GRXCR1: variants seen among roughly 807,000 people sequenced by gnomAD.
The protein encoded by GRXCR1 is glutaredoxin and cysteine rich domain containing 1.
A neutral mutation model predicts 27.3 loss-of-function variants in GRXCR1; 27 were observed. The observed-to-expected ratio is 0.99, with a 90% CI of 0.73 to 1.37. GRXCR1 has a LOEUF of 1.37. GRXCR1 is among the 40% of genes most tolerant of loss of function. GRXCR1 has a pLI of 0.00. For synonymous variants in GRXCR1, 122 were observed against 131.1 expected (o/e 0.93, Z 0.47); for missense variants, 379 against 354.4 (o/e 1.07, Z -0.56).
chr4:42,912,525 T>C (rs1239665661), intron 1 of GRXCR1, among the ~76,000 whole-genome samples: 1 of 152,218 alleles, frequency 6.6e-6, no homozygotes, highest in Non-Finnish European at 1.5e-5. Flanking sequence ...GGAAGTTTCT[T>C]ACTTCATATT....
chr4:42,929,969 C>T (rs1264951262), intron 1 of GRXCR1, among the ~76,000 whole-genome samples: 1 of 151,964 alleles, frequency 6.6e-6, no homozygotes, highest in Non-Finnish European at 1.5e-5. Flanking sequence ...ATCTCTAAGA[C>T]CACACTGTTG....
chr4:43,014,057 A>C (rs1227091828), intron 2 of GRXCR1, among the ~76,000 whole-genome samples: 2 of 143,674 alleles, frequency 1.4e-5, no homozygotes, highest in Non-Finnish European at 3.0e-5. Flanking sequence ...ATAATTGCAA[A>C]AAAAAAAAAA....
chr4:42,934,345 A>T (rs1021357057), intron 1 of GRXCR1, among the ~76,000 whole-genome samples: 2 of 151,766 alleles, frequency 1.3e-5, no homozygotes, highest in Admixed American at 1.3e-4. Context: ...AAATGGATGC[A>T]TTGAACAATT....
chr4:42,981,300 C>T (rs1021732297), intron 2 of GRXCR1, among the ~76,000 whole-genome samples: 7 of 152,120 alleles, frequency 4.6e-5, no homozygotes, highest in African/African-American at 1.7e-4. Flanking sequence ...AACAATTTAA[C>T]TTTCATCACA....
intron 2 of GRXCR1, among the ~76,000 whole-genome samples, chr4:42,988,936 T>C (rs1358854654): frequency 6.6e-6 from 1 of 152,184 alleles, no homozygotes; most frequent in Non-Finnish European, 1.5e-5. Flanking sequence ...CATCTCTCCA[T>C]ATATAACAGG....
intron 2 of GRXCR1, among the ~76,000 whole-genome samples, 178 bp downstream of exon 2, chr4:42,963,312 C>T (rs1055682586): frequency 2.6e-5 from 4 of 151,880 alleles, no homozygotes; most frequent in Non-Finnish European, 4.4e-5. Context: ...CCACAGTGCT[C>T]CTCCCTGAAG....
chr4:43,017,986 C>T (rs779361022), intron 2 of GRXCR1, among the ~76,000 whole-genome samples: 1 of 152,152 alleles, frequency 6.6e-6, no homozygotes, highest in African/African-American at 2.4e-5. Context: ...TGGGAGTGAT[C>T]TGTAATATTT....
chr4:42,973,776 G>C (rs76947019), intron 2 of GRXCR1, among the ~76,000 whole-genome samples: 4,650 of 152,202 alleles, frequency 0.031, 79 homozygotes, highest in South Asian at 0.058. Context: ...TTGATGGATA[G>C]GTTATTTGAT....
intron 2 of GRXCR1, among the ~76,000 whole-genome samples, chr4:43,013,226 A>G (rs1712816634): frequency 1.3e-5 from 2 of 152,222 alleles, no homozygotes; most frequent in South Asian, 4.1e-4. Context: ...TGTTCATTAC[A>G]GCACTATTCA....
chr4:42,991,809 A>C (rs1711984014), intron 2 of GRXCR1, among the ~76,000 whole-genome samples: 1 of 152,144 alleles, frequency 6.6e-6, no homozygotes, highest in South Asian at 2.1e-4. Context: ...CCTCCCCACC[A>C]GAAGAATCAA....
intron 1 of GRXCR1, among the ~76,000 whole-genome samples, chr4:42,941,505 C>A (rs144194921): frequency 2.6e-5 from 4 of 151,904 alleles, no homozygotes; most frequent in Admixed American, 2.0e-4. Context: ...ATTTGGCTTC[C>A]GACATCTGCT....
rs757839631 is a variant in GRXCR1 at position 43,020,448 on chromosome 4, A to T, written c.693+29A>T. 20 of 1,382,934 alleles carry T rather than the reference A, an allele frequency of 1.4e-5. No individual in the cohort carries two copies. The South Asian group carries it at 2.1e-4, about 14-fold the overall frequency. 85.7% of individuals were successfully genotyped at this position (1,382,934 alleles called of 1,614,324 possible). On this transcript the variant is annotated intron_variant, in intron 3 of 3. Coordinates refer to ENST00000399770, the MANE Select transcript of GRXCR1 (RefSeq NM_001080476.3). ...AATGTGCTTTCAGCAACTTAGTTTTAGTAATCAAAATATTAAACACATTCT... is the reference window on the plus strand; with the variant it reads ...AATGTGCTTTCAGCAACTTAGTTTTTGTAATCAAAATATTAAACACATTCT...
chr4:42,893,447 C>G lies in GRXCR1; in HGVS notation c.181C>G (p.Gln61Glu). The stretch of plus-strand genomic sequence containing the variant: ...AGATGGACTAGGTGATTCCGATGGA[C>G]AGCAGAATGGCCACATAGAGTCAGA... ...GIDGLGDSDG[Q>E]QNGHIESEGD... The change falls in exon 1 of 4, where the codon CAG becomes GAG. Residue 61 changes from glutamine (Q) to glutamate (E), a missense_variant. By Grantham distance (29) the Gln-to-Glu change is conservative. Coordinates refer to ENST00000399770, the MANE Select transcript of GRXCR1 (RefSeq NM_001080476.3). 6.2e-7 allele frequency: 1 copy of G among 1,613,810 alleles called. No homozygotes were observed. The highest frequency in any genetic ancestry group is 8.5e-7 in the Non-Finnish European group (1 of 1,179,824).
At chr4:43,017,385 A>G (rs1712962625) in intron 2 of GRXCR1, among the ~76,000 whole-genome samples, 1 of 152,198 alleles carries the variant, frequency 6.6e-6, no homozygotes, top group African/African-American at 2.4e-5. Context: ...CTCAACCTGA[A>G]TTCAAGATCA....
At chr4:42,944,363 A>G (rs1747694984) in intron 1 of GRXCR1, among the ~76,000 whole-genome samples, 1 of 152,128 alleles carries the variant, frequency 6.6e-6, no homozygotes, top group African/African-American at 2.4e-5. Context: ...TCTTGGATCC[A>G]GGAACAGCAA....
At chr4:42,977,615 A>G (rs999892005) in intron 2 of GRXCR1, among the ~76,000 whole-genome samples, 7 of 151,986 alleles carry the variant, frequency 4.6e-5, no homozygotes, top group Non-Finnish European at 5.9e-5. Flanking sequence ...CCTTCTTTTG[A>G]TAAATATCTG....
chr4:42,941,372 T>C (rs552040956), intron 1 of GRXCR1, among the ~76,000 whole-genome samples: 76 of 152,174 alleles, frequency 5.0e-4, no homozygotes, highest in Non-Finnish European at 8.7e-4. Context: ...AAGGCTAAGT[T>C]TGACTTTCAG....
chr4:42,923,582 T>A (rs1181699736), intron 1 of GRXCR1, among the ~76,000 whole-genome samples: 1 of 152,112 alleles, frequency 6.6e-6, no homozygotes, highest in African/African-American at 2.4e-5. Flanking sequence ...GTAATTTGGC[T>A]TTAAAATGTG....
chr4:42,963,672 G>T (rs1560666851), intron 2 of GRXCR1, among the ~76,000 whole-genome samples: 1 of 152,038 alleles, frequency 6.6e-6, no homozygotes, highest in East Asian at 1.9e-4. Context: ...TAAGCAGAGA[G>T]AACTCCCAGA....
Sources: gnomAD v4.1 joint callset for allele counts (sites outside exome capture counted in the v4.1 genomes callset) on GRCh38, gnomAD v4.1.1 for gene constraint, MANE v1.5 for transcripts, NCBI Gene and HGNC (gene_info 2026-07-23, HGNC 2026-07-21) for gene names.